TNR: variants seen among roughly 807,000 people sequenced by gnomAD.
The protein encoded by TNR is tenascin-R.
Under a neutral mutation model 150.4 loss-of-function variants are expected in TNR, and 45 were observed. That is an observed-to-expected ratio of 0.30 (90% CI 0.24 to 0.38). TNR has a LOEUF of 0.38. TNR is among the 10% of genes least tolerant of loss of function. The probability of loss-of-function intolerance (pLI) is 1.00; values close to 1 mark genes in which losing one functional copy is unlikely to be tolerated. For missense variants in TNR, 1,544 were observed against 1,759.1 expected, an observed-to-expected ratio of 0.88 and a Z score of 2.19; for synonymous variants, 687 against 678.4, an observed-to-expected ratio of 1.01 and a Z score of -0.20.
At chr1:175,657,853 G>GTT (rs1316571004) in intron 1 of TNR, among the ~76,000 whole-genome samples, 1 of 70,460 alleles carries the variant, frequency 1.4e-5, no homozygotes, top group Non-Finnish European at 2.8e-5. Flanking sequence ...CATGGAACAT[G>GTT]TATATATATA....
At chr1:175,421,116 G>A (rs770515404) in intron 2 of TNR, among the ~76,000 whole-genome samples, 1 of 152,136 alleles carries the variant, frequency 6.6e-6, no homozygotes, top group Non-Finnish European at 1.5e-5. Flanking sequence ...CCAAGCAGCA[G>A]AGCTGGACAT....
At chr1:175,637,316 C>T (rs1664515475) in intron 1 of TNR, among the ~76,000 whole-genome samples, 2 of 152,170 alleles carry the variant, frequency 1.3e-5, no homozygotes, top group African/African-American at 2.4e-5. Context: ...TACTGATGTT[C>T]AGGGATCCAT....
intron 1 of TNR, among the ~76,000 whole-genome samples, chr1:175,620,172 A>G (rs1417172270): frequency 6.6e-6 from 1 of 152,246 alleles, no homozygotes; most frequent in African/African-American, 2.4e-5. Context: ...TCTGGCACAG[A>G]ACTCTTTCTC....
intron 1 of TNR, among the ~76,000 whole-genome samples, chr1:175,541,709 T>C (rs1449778053): frequency 1.3e-5 from 2 of 152,146 alleles, no homozygotes; most frequent in Non-Finnish European, 2.9e-5. Flanking sequence ...TGATTTACAA[T>C]TTACACCAAG....
intron 6 of TNR, among the ~76,000 whole-genome samples, chr1:175,393,574 C>T (rs1045293087): frequency 3.3e-5 from 5 of 152,190 alleles, no homozygotes; most frequent in Non-Finnish European, 7.3e-5. Context: ...GGGTGCCATG[C>T]TCAGGGCTAC....
At chr1:175,422,883 A>G (rs1654818272) in intron 2 of TNR, among the ~76,000 whole-genome samples, 1 of 151,996 alleles carries the variant, frequency 6.6e-6, no homozygotes, top group African/African-American at 2.4e-5. Context: ...TTGTCCTTGG[A>G]CTTGATGAGG....
Position 175,736,145 on chromosome 1 carries a change from G to T in TNR, c.-165+7081C>A, listed in dbSNP as rs1034175201. ...TTAAATAGCAAGTGGCACAATCTGG[G>T]CTAGAGGACATGTTCCATGACAGAC... On this transcript the variant is annotated intron_variant, in intron 1 of 22. Transcript: ENST00000367674. Among the ~76,000 whole-genome samples, 8 of 152,222 alleles carry T rather than the reference G, an allele frequency of 5.3e-5. No homozygotes were observed. The South Asian group carries it at 8.3e-4, about 16-fold the overall frequency.
At chr1:175,331,168 TCC>T (rs1557868645) in intron 20 of TNR, among the ~76,000 whole-genome samples, 34 of 45,952 alleles carry the variant, frequency 7.4e-4, no homozygotes, top group African/African-American at 1.9e-3. Context: ...TTTCTTTCCT[TCC>T]TTCCTTCCTT....
intron 1 of TNR, among the ~76,000 whole-genome samples, chr1:175,672,259 C>G (rs1448061977): frequency 1.3e-5 from 2 of 152,186 alleles, no homozygotes; most frequent in Non-Finnish European, 2.9e-5. Flanking sequence ...CCTGCCTCCC[C>G]TGGTCAGCCA....
intron 1 of TNR, among the ~76,000 whole-genome samples, chr1:175,660,327 G>T (rs572806596): frequency 1.2e-4 from 18 of 152,294 alleles, no homozygotes; most frequent in African/African-American, 3.9e-4. Context: ...GCCCCAGCCC[G>T]CACATGGGCT....
chr1:175,403,440 T>C lies in TNR; in HGVS notation c.676A>G (p.Ser226Gly), dbSNP rs548522555. The C allele has an allele frequency of 1.2e-5, 20 of 1,614,202 alleles. No individual in the cohort carries two copies. Among genetic ancestry groups the C allele is most frequent in the Non-Finnish European group, 1.7e-5 (20 of 1,180,034 alleles). ...DGQCICDSEY[S>G]GDDCSELRCP... ...CGGAGTTCGGAACAGTCATCCCCGC[T>C]GTACTCGCTGTCACAGATGCACTGG... The change falls in exon 4 of 23, where the codon AGC (serine) becomes GGC (glycine). Residue 226 changes from serine to glycine, a missense_variant. Transcript: ENST00000367674.
chr1:175,734,146 G>A (rs1667714181), intron 1 of TNR, among the ~76,000 whole-genome samples: 1 of 152,108 alleles, frequency 6.6e-6, no homozygotes, highest in African/African-American at 2.4e-5. Context: ...CCACTCCATG[G>A]GGAGAATGTA....
chr1:175,443,452 GTCTTC>G (rs1655884627), intron 2 of TNR, among the ~76,000 whole-genome samples: 1 of 152,114 alleles, frequency 6.6e-6, no homozygotes, highest in Admixed American at 6.6e-5. Context: ...GGCCAGTCAG[GTCTTC>G]CAGTCAATGC....
chr1:175,635,440 G>A (rs1436538039), intron 1 of TNR, among the ~76,000 whole-genome samples: 6 of 152,118 alleles, frequency 3.9e-5, no homozygotes, highest in South Asian at 2.1e-4. Flanking sequence ...TCCAATATTC[G>A]GCAAGAGTGA....
At chr1:175,730,691 C>T (rs1234591494) in intron 1 of TNR, among the ~76,000 whole-genome samples, 2 of 152,014 alleles carry the variant, frequency 1.3e-5, no homozygotes, top group Non-Finnish European at 2.9e-5. Flanking sequence ...TGGGAGGGAA[C>T]GGACAATAAG....
At chr1:175,507,618 T>A (rs937877622) in intron 2 of TNR, among the ~76,000 whole-genome samples, 19 of 152,054 alleles carry the variant, frequency 1.2e-4, no homozygotes, top group African/African-American at 4.6e-4. Context: ...TTATTCTTGC[T>A]CTCTCCTGTT....
At chr1:175,339,096 A>G (rs947386969) in intron 18 of TNR, among the ~76,000 whole-genome samples, 7 of 152,350 alleles carry the variant, frequency 4.6e-5, no homozygotes, top group Middle Eastern at 3.4e-3. Flanking sequence ...AGAGGACAGC[A>G]GATTGGTATA....
At chr1:175,338,374 T>G (rs1650346773) in intron 18 of TNR, among the ~76,000 whole-genome samples, 1 of 152,224 alleles carries the variant, frequency 6.6e-6, no homozygotes, top group South Asian at 2.1e-4. Context: ...AATATCTAAT[T>G]AGCTGAAAGA....
intron 15 of TNR, among the ~76,000 whole-genome samples, chr1:175,357,076 C>T (rs2102007221): frequency 6.6e-6 from 1 of 152,266 alleles, no homozygotes; most frequent in Middle Eastern, 3.4e-3. Flanking sequence ...TTCTTTGTAA[C>T]CACTCCCCCT....
Sources: gnomAD v4.1 joint callset for allele counts (sites outside exome capture counted in the v4.1 genomes callset) on GRCh38, gnomAD v4.1.1 for gene constraint, MANE v1.5 for transcripts, NCBI Gene and HGNC (gene_info 2026-07-23, HGNC 2026-07-21) for gene names.